P2RY10: variants seen among roughly 807,000 people sequenced by gnomAD.
P2RY10 encodes P2Y receptor family member 10, also known as putative P2Y purinoceptor 10.
Under a neutral mutation model 12.1 loss-of-function variants are expected in P2RY10, and 4 were observed. That is an observed-to-expected ratio of 0.33 (90% CI 0.16 to 0.76). The LOEUF is 0.76. Among genes scored for constraint, P2RY10 ranks in the 30% least tolerant of loss-of-function variants. The pLI is 0.61. For missense variants in P2RY10, 233 were observed against 264.6 expected (o/e 0.88, Z 0.83); for synonymous variants, 112 against 94.1 (o/e 1.19, Z -1.10).
At chrX:78,946,345 AGTT>A (rs1921832178) in intron 1 of P2RY10, among the ~76,000 whole-genome samples, 1 of 111,189 alleles carries the variant, frequency 9.0e-6, no homozygotes, top group Admixed American at 9.5e-5. Flanking sequence ...TCATTTTTTC[AGTT>A]ATTATTGCTA....
chrX:78,950,280 G>A (rs1922048433), intron 2 of P2RY10, among the ~76,000 whole-genome samples: 1 of 110,721 alleles, frequency 9.0e-6, no homozygotes, highest in Admixed American at 9.6e-5. Flanking sequence ...GTTCAGAGGG[G>A]GAATTCTCAT....
At chrX:78,950,268 GGGT>G (rs1922047732) in intron 2 of P2RY10, among the ~76,000 whole-genome samples, 1 of 111,007 alleles carries the variant, frequency 9.0e-6, no homozygotes, top group Non-Finnish European at 1.9e-5. Flanking sequence ...GTTAGGAGCA[GGGT>G]TCAGAGGGGG....
In P2RY10 at chrX:78,961,786, A is replaced by G. The variant is rs1184960617; in HGVS notation, c.*246A>G. ...TTCAAGCCACTTTCTTATTTAAGAAACCTAGATCAAGTTTTTACAGATGTA... is the reference window on the plus strand; with the variant it reads ...TTCAAGCCACTTTCTTATTTAAGAAGCCTAGATCAAGTTTTTACAGATGTA... On this transcript the variant is annotated 3_prime_UTR_variant, in exon 4 of 4. Transcript: ENST00000171757. The G allele has an allele frequency of 1.0e-5, 3 of 293,627 alleles. No homozygotes were observed. The highest frequency in any genetic ancestry group is 1.8e-5 in the Non-Finnish European group (3 of 162,652). The allele number at this position is 293,627 out of a possible 1,213,427, so 24.2% of individuals were successfully genotyped here.
intron 3 of P2RY10, among the ~76,000 whole-genome samples, chrX:78,957,387 CAGAGAGAG>C (rs1555965494): frequency 1.2e-4 from 9 of 75,823 alleles, no homozygotes; most frequent in African/African-American, 2.8e-4. Flanking sequence ...CACACACACA[CAGAGAGAG>C]AGAGAGAGAG....
intron 2 of P2RY10, among the ~76,000 whole-genome samples, chrX:78,951,766 C>T (rs185172700): frequency 8.1e-5 from 9 of 111,597 alleles, no homozygotes; most frequent in African/African-American, 2.9e-4. Flanking sequence ...TTTTCTTCAA[C>T]TTTTATTTTA....
At chrX:78,958,302 G>A (rs762568387) in intron 3 of P2RY10, among the ~76,000 whole-genome samples, 7 of 112,682 alleles carry the variant, frequency 6.2e-5, no homozygotes, top group African/African-American at 1.6e-4. Context: ...ATTATTCTAA[G>A]TGAAGTAACA....
chrX:78,948,106 G>C (rs1921931793), intron 2 of P2RY10, among the ~76,000 whole-genome samples: 2 of 112,193 alleles, frequency 1.8e-5, no homozygotes, highest in Admixed American at 1.9e-4. Flanking sequence ...CAAGTACTAA[G>C]TGCCCAACAG....
chrX:78,958,247 A>G (rs1922441848), intron 3 of P2RY10, among the ~76,000 whole-genome samples: 1 of 112,850 alleles, frequency 8.9e-6, no homozygotes, highest in Non-Finnish European at 1.9e-5. Context: ...TCACAGTGAA[A>G]TCGAAATAAT....
At chrX:78,959,845 A>G (rs189455100) in intron 3 of P2RY10, among the ~76,000 whole-genome samples, 1 of 112,196 alleles carries the variant, frequency 8.9e-6, no homozygotes, top group Non-Finnish European at 1.9e-5. Context: ...AAATTCATGT[A>G]TTATTAAAGC....
At chrX:78,950,494 T>G (rs1367476127) in intron 2 of P2RY10, among the ~76,000 whole-genome samples, 1 of 111,861 alleles carries the variant, frequency 8.9e-6, no homozygotes, top group Non-Finnish European at 1.9e-5. Flanking sequence ...TTGAGTCTTC[T>G]GTATCCTACA....
At chrX:78,959,561 C>CA (rs1569245310) in intron 3 of P2RY10, among the ~76,000 whole-genome samples, 3 of 111,165 alleles carry the variant, frequency 2.7e-5, no homozygotes. Flanking sequence ...TAAGGAAGTC[C>CA]AAAAAAGAAG....
At chrX:78,957,357 G>GACACACAC (rs765759888) in intron 3 of P2RY10, among the ~76,000 whole-genome samples, 1,224 of 57,783 alleles carry the variant, frequency 0.021, 17 homozygotes, top group Non-Finnish European at 0.03. Context: ...GGAAGAGAAA[G>GACACACAC]ACACACACAC....
chrX:78,951,835 G>A (rs189981367), intron 2 of P2RY10, among the ~76,000 whole-genome samples: 2 of 111,432 alleles, frequency 1.8e-5, no homozygotes, highest in East Asian at 2.8e-4. Flanking sequence ...TGTGTGTCAT[G>A]GTCGTTTGCT....
chrX:78,948,265 T>G (rs1371727263), intron 2 of P2RY10, among the ~76,000 whole-genome samples: 2 of 112,093 alleles, frequency 1.8e-5, no homozygotes, highest in Non-Finnish European at 3.8e-5. Context: ...ACTTTAAAAA[T>G]TACTGCTCTA....
intron 2 of P2RY10, among the ~76,000 whole-genome samples, 197 bp from the exon 3 acceptor site, chrX:78,951,996 A>T (rs1442629312): frequency 2.7e-5 from 3 of 111,729 alleles, no homozygotes; most frequent in African/African-American, 9.8e-5. Flanking sequence ...GCTCCCACTT[A>T]TAAGTGAGAA....
chrX:78,961,677 T>A lies in P2RY10; in HGVS notation c.*137T>A. ...AAGTACTTTTGTGTAATATTCACAGTCAACAGGGGTGTGATGGTGAAGGCA... is the reference window on the plus strand; with the variant it reads ...AAGTACTTTTGTGTAATATTCACAGACAACAGGGGTGTGATGGTGAAGGCA... On this transcript the variant is annotated 3_prime_UTR_variant, in exon 4 of 4. Coordinates refer to ENST00000171757, the MANE Select transcript of P2RY10 (RefSeq NM_014499.4). The A allele has an allele frequency of 2.2e-6, 1 of 459,186 alleles. No homozygotes were observed. Among genetic ancestry groups the A allele is most frequent in the African/African-American group, 2.4e-5 (1 of 41,310 alleles). The allele number at this position is 459,186 out of a possible 1,213,427, so 37.8% of individuals were successfully genotyped here. A position where few individuals can be genotyped will look rare whatever the true frequency, so the allele number is the denominator to read the frequency against.
chrX:78,947,160 A>G (rs1166964768), intron 1 of P2RY10, among the ~76,000 whole-genome samples: 1 of 110,059 alleles, frequency 9.1e-6, no homozygotes, highest in Non-Finnish European at 1.9e-5. Context: ...GGTTGCAGTG[A>G]GCTGAGACTG....
Position 78,963,664 on chromosome X carries a change from CAT to C in P2RY10, c.*2125_*2126del, listed in dbSNP as rs1491417497. Among the ~76,000 whole-genome samples the C allele has an allele frequency of 8.9e-6, 1 of 111,759 alleles. No homozygotes were observed. The highest frequency in any genetic ancestry group is 9.5e-5 in the Admixed American group (1 of 10,547). On this transcript the variant is annotated 3_prime_UTR_variant, in exon 4 of 4. Coordinates refer to ENST00000171757, the MANE Select transcript of P2RY10 (RefSeq NM_014499.4). ...TGGAATCTTTGAACTTTTTTTTTGA[CAT>C]GTGAATCTCTAATGTGGTGAGAGAG...
At chrX:78,950,666 T>C (rs1177743117) in intron 2 of P2RY10, among the ~76,000 whole-genome samples, 1 of 111,947 alleles carries the variant, frequency 8.9e-6, no homozygotes, top group East Asian at 2.8e-4. Flanking sequence ...ATTTGCCATA[T>C]ATGCATAGTG....
Sources: gnomAD v4.1 joint callset for allele counts (sites outside exome capture counted in the v4.1 genomes callset) on GRCh38, gnomAD v4.1.1 for gene constraint, MANE v1.5 for transcripts, NCBI Gene and HGNC (gene_info 2026-07-23, HGNC 2026-07-21) for gene names.